HEXD: variants seen among roughly 807,000 people sequenced by gnomAD.
HEXD encodes hexosaminidase D.
HEXD carries 47 observed loss-of-function variants against 54.2 expected under a neutral mutation model. That is an observed-to-expected ratio of 0.87 (90% CI 0.69 to 1.11). The LOEUF (loss-of-function observed/expected upper bound fraction) is 1.11, where lower values mean the gene tolerates loss of function less well. Among genes scored for constraint, HEXD ranks in the 50% least tolerant of loss-of-function variants. HEXD has a pLI of 0.00. For synonymous variants in HEXD, 293 were observed against 287.6 expected (o/e 1.02, Z -0.19); for missense variants, 576 against 649.2 (o/e 0.89, Z 1.23).
chr17:82,441,040 C>A lies in HEXD; in HGVS notation c.1026C>A (p.Leu342=), dbSNP rs765585278. The A allele has an allele frequency of 1.5e-5, 25 of 1,613,516 alleles. No individual in the cohort carries two copies. In the South Asian group the frequency reaches 1.8e-4, roughly 11 times the overall value. Residue 342 remains leucine, a synonymous_variant, in exon 10 of 13, where the codon CTC becomes CTA. Coordinates refer to ENST00000327949, the MANE Select transcript of HEXD (RefSeq NM_001330542.2). ...TTAAAGCGAAAGTGGAGAACCTTCT[C>A]GGGATTTCCAGCCTGGAAAAAACGG... ...EDVKAKVENL[L]GISSLEKTDP...
intron 2 of HEXD, among the ~76,000 whole-genome samples, chr17:82,422,452 G>A (rs1046851785): frequency 1.3e-5 from 2 of 150,938 alleles, no homozygotes; most frequent in Non-Finnish European, 2.9e-5. Flanking sequence ...AGCCAAGATC[G>A]TGCCACTGCA....
At position 82,442,249 on chromosome 17, in the gene HEXD, C is replaced by A; in HGVS notation, c.1326C>A (p.Ala442=). The change falls in exon 13 of 13, where the codon GCC becomes GCA. Residue 442 remains alanine, a synonymous_variant. Coordinates refer to ENST00000327949, the MANE Select transcript of HEXD (RefSeq NM_001330542.2). This position sits in a 1 kb window ranked among gnomAD's most constrained non-coding sequence, Gnocchi z 6.8. ...TGCAGCTGGCTTTCTACCCGGATGC[C>A]GTGGAGGAGTGGCTGGAGGAAAACG... ...AALQLAFYPD[A]VEEWLEENVH... 6.2e-7 allele frequency: 1 copy of A among 1,606,378 alleles called. No individual in the cohort carries two copies.
rs1219168272 is a variant in HEXD at position 82,418,513 on chromosome 17, G to C, written c.-279G>C. The C allele has an allele frequency of 1.5e-6, 2 of 1,297,286 alleles. No homozygotes were observed. The highest frequency in any genetic ancestry group is 1.6e-5 in the African/African-American group (1 of 64,120). 80.4% of individuals were successfully genotyped at this position (1,297,286 alleles called of 1,614,324 possible). A position where few individuals can be genotyped will look rare whatever the true frequency, so the allele number is the denominator to read the frequency against. ...GACCAGGCCGCCGCGGAGCCGGGCC[G>C]GACGCGGGCGCCAGGCCCGGGGACG... On this transcript the variant is annotated 5_prime_UTR_variant, in exon 1 of 13. Transcript: ENST00000327949.
chr17:82,428,589 G>C lies in HEXD; in HGVS notation c.226G>C (p.Ala76Pro), dbSNP rs1235867006. ...TGAAATCAAAGAGATCTTGCATCTGGCTGGACTCAATGAGCTGGAGGTGAT... is the reference window on the plus strand; with the variant it reads ...TGAAATCAAAGAGATCTTGCATCTGCCTGGACTCAATGAGCTGGAGGTGAT... ...PSEIKEILHL[A>P]GLNELEVIPL... The change falls in exon 4 of 13, where the codon GCT (alanine) becomes CCT (proline). Residue 76 changes from alanine (A) to proline (P), a missense_variant. Transcript: ENST00000327949. The C allele has an allele frequency of 6.2e-7, 1 of 1,613,460 alleles. No homozygotes were observed. The highest frequency in any genetic ancestry group is 1.1e-5 in the South Asian group (1 of 91,076).
At chr17:82,427,020 C>A (rs1026757304) in intron 3 of HEXD, 1 of 152,086 alleles carries the variant, frequency 6.6e-6, no homozygotes, top group East Asian at 1.9e-4. Flanking sequence ...CCTGTAGTCC[C>A]AGCTACTCGG....
rs771078258 is a variant in HEXD, at chr17:82,441,031, G to A, written c.1017G>A (p.Glu339=). Reference sequence around the variant, plus strand: ...ATGAAGATGTTAAAGCGAAAGTGGAGAACCTTCTCGGGATTTCCAGCCTGG... The same window carrying A: ...ATGAAGATGTTAAAGCGAAAGTGGAAAACCTTCTCGGGATTTCCAGCCTGG... ...GFDEDVKAKV[E]NLLGISSLEK... The change falls in exon 10 of 13, where the codon GAG becomes GAA. Residue 339 remains glutamate (E), a synonymous_variant. Coordinates refer to ENST00000327949, the MANE Select transcript of HEXD (RefSeq NM_001330542.2). The A allele has an allele frequency of 1.9e-6, 3 of 1,613,628 alleles. No individual in the cohort carries two copies. Among genetic ancestry groups the A allele is most frequent in the Non-Finnish European group, 2.5e-6 (3 of 1,180,004 alleles).
At chr17:82,439,330 A>C in intron 8 of HEXD, 7 of 633,392 alleles carry the variant, frequency 1.1e-5, no homozygotes, top group Non-Finnish European at 1.2e-5. Context: ...GGGGGGAGGG[A>C]CAACGACCGG....
rs1246239940 is a variant in HEXD, at chr17:82,428,662, G to A, written c.282+17G>A. On this transcript the variant is annotated intron_variant, in intron 4 of 12. Transcript: ENST00000327949. ...CACATGGAGGTGAGTGGCAGAAATG[G>A]AAGTTACCTGGTGCCAGGTGTGGGG... 6.2e-7 allele frequency: 1 copy of A among 1,607,056 alleles called. No individual in the cohort carries two copies. Among genetic ancestry groups the A allele is most frequent in the Non-Finnish European group, 8.5e-7 (1 of 1,173,814 alleles).
intron 8 of HEXD, among the ~76,000 whole-genome samples, chr17:82,438,390 C>T (rs2053834776): frequency 6.6e-6 from 1 of 152,090 alleles, no homozygotes; most frequent in African/African-American, 2.4e-5. Flanking sequence ...AGGAGTGGCC[C>T]CTGCAGGTAT....
At chr17:82,430,851 T>C (rs1377946483) in intron 4 of HEXD, among the ~76,000 whole-genome samples, 1 of 152,132 alleles carries the variant, frequency 6.6e-6, no homozygotes, top group Non-Finnish European at 1.5e-5. Flanking sequence ...ATGCTTCTGG[T>C]GTCATTTCTA....
intron 7 of HEXD, 119 bp downstream of exon 7, chr17:82,436,857 G>A (rs1298253569): frequency 6.5e-6 from 6 of 928,522 alleles, no homozygotes; most frequent in African/African-American, 1.6e-5. Context: ...GTAGAGGCCA[G>A]GGCACAGCCC....
At position 82,435,603 on chromosome 17, in the gene HEXD, C is replaced by G. The variant is rs989916572; in HGVS notation, c.448-86C>G. On this transcript the variant is annotated intron_variant, in intron 5 of 12. Coordinates refer to ENST00000327949, the MANE Select transcript of HEXD (RefSeq NM_001330542.2). The stretch of plus-strand genomic sequence containing the variant: ...CTCCTCCCCACAGGCAGCGGCCCCT[C>G]TCCGTCAGGGCACGGCGTGAACCCC... 2.9e-6 allele frequency: 4 copies of G among 1,400,228 alleles called. No homozygotes were observed. The South Asian group carries it at 3.9e-5, about 14-fold the overall frequency. 86.7% of individuals were successfully genotyped at this position (1,400,228 alleles called of 1,614,324 possible).
intron 4 of HEXD, among the ~76,000 whole-genome samples, chr17:82,431,289 C>T (rs2053569189): frequency 6.6e-6 from 1 of 152,108 alleles, no homozygotes; most frequent in Non-Finnish European, 1.5e-5. Context: ...TAGGCATGAG[C>T]CATTGCACCT....
intron 5 of HEXD, among the ~76,000 whole-genome samples, chr17:82,435,017 C>T (rs1049478999): frequency 9.2e-5 from 14 of 151,782 alleles, no homozygotes; most frequent in African/African-American, 2.7e-4. Context: ...TGGTGGTGGG[C>T]GCCTGTAATC....
Position 82,433,122 on chromosome 17 carries a change from ATATATATTTTTTTTTTTTT to A in HEXD, c.283-534_283-516del, listed in dbSNP as rs1470672653. On this transcript the variant is annotated intron_variant, in intron 4 of 12. Transcript: ENST00000327949. ...TATATATATATATATATATATATATATATATATTTTTTTTTTTTTTTTATATATATATTTTTAGTCTGGG... is the reference window on the plus strand; with the variant it reads ...TATATATATATATATATATATATATATTTATATATATATTTTTAGTCTGGG... Among the ~76,000 whole-genome samples, 142 of 17,426 alleles carry A rather than the reference ATATATATTTTTTTTTTTTT, an allele frequency of 8.1e-3. 12 individuals carry two copies. The highest frequency in any genetic ancestry group is 0.041 in the African/African-American group (86 of 2,110). The allele number at this position is 17,426 out of a possible 152,430, so 11.4% of individuals were successfully genotyped here.
At chr17:82,433,141 TTTTATATATATA>T (rs2053658676) in intron 4 of HEXD, among the ~76,000 whole-genome samples, 1 of 40,110 alleles carries the variant, frequency 2.5e-5, no homozygotes, top group Non-Finnish European at 3.8e-5. Flanking sequence ...TTTTTTTTTT[TTTTATATATATA>T]TTTTTAGTCT....
Position 82,434,754 on chromosome 17 carries a change from C to T in HEXD, c.447+932C>T, listed in dbSNP as rs1399816119. Among the ~76,000 whole-genome samples the T allele has an allele frequency of 6.6e-6, 1 of 151,980 alleles. No individual in the cohort carries two copies. The highest frequency in any genetic ancestry group is 2.4e-5 in the African/African-American group (1 of 41,348). On this transcript the variant is annotated intron_variant, in intron 5 of 12. Transcript: ENST00000327949. The surrounding 1 kb of genome is among the most constrained non-coding windows in gnomAD (Gnocchi z 4.5). ...TCAGGAGGCTGAGGCACGAGAATCG[C>T]TTGAACCCAGGAGGTGAAGGTTGCA...
intron 6 of HEXD, 122 bp downstream of exon 6, chr17:82,435,994 C>A: frequency 1.1e-6 from 1 of 906,042 alleles, no homozygotes; most frequent in Non-Finnish European, 1.6e-6. Context: ...CACAGACCCG[C>A]CACAACCACC....
rs1320710360 is a variant in HEXD at position 82,435,923 on chromosome 17, C to A, written c.631+51C>A. 3.2e-6 allele frequency: 5 copies of A among 1,545,052 alleles called. No individual in the cohort carries two copies. The Admixed American group carries it at 5.2e-5, about 16-fold the overall frequency. On this transcript the variant is annotated intron_variant, in intron 6 of 12. Transcript: ENST00000327949. ...GGTGGGCCACTGAACTGCCCAAGAC[C>A]TGCGGCTTCAAAGAAAGAAGGTGCT... is the stretch of plus-strand genomic sequence containing the variant.
Sources: allele counts gnomAD v4.1 joint callset (sites outside exome capture counted in the v4.1 genomes callset), GRCh38; gene constraint gnomAD v4.1.1; non-coding constraint Gnocchi (gnomAD v3.1); transcripts MANE v1.5; gene names NCBI Gene and HGNC (gene_info 2026-07-23, HGNC 2026-07-21).